Variants in ANK2 observed in about 807,000 individuals in gnomAD.
ANK2 encodes ankyrin 2, also known as ankyrin-2.
In ANK2, 83 loss-of-function variants were observed where a neutral mutation model predicts 360.5. That is an observed-to-expected ratio of 0.23 (90% CI 0.19 to 0.28). The LOEUF is 0.28. Among genes scored for constraint, ANK2 ranks in the 10% least tolerant of loss-of-function variants. The probability of loss-of-function intolerance (pLI) is 1.00; values close to 1 mark genes in which losing one functional copy is unlikely to be tolerated. For missense variants in ANK2, 4,201 were observed against 4,795.7 expected (o/e 0.88, Z 3.66); for synonymous variants, 1,740 against 1,759.5 (o/e 0.99, Z 0.28).
chr4:112,906,564 G>C (rs1178200976), intron 2 of ANK2, among the ~76,000 whole-genome samples: 1 of 152,150 alleles, frequency 6.6e-6, no homozygotes, highest in Non-Finnish European at 1.5e-5. Context: ...GGTGGTCTAG[G>C]AAGAGGGATT....
chr4:113,304,889 C>A (rs2076504312), intron 23 of ANK2, among the ~76,000 whole-genome samples: 1 of 151,824 alleles, frequency 6.6e-6, no homozygotes, highest in African/African-American at 2.4e-5. Context: ...CCACTTTAAG[C>A]AACTCTATTA....
At chr4:113,344,479 CTA>C (rs1451559382) in intron 34 of ANK2, among the ~76,000 whole-genome samples, 3 of 152,152 alleles carry the variant, frequency 2.0e-5, no homozygotes, top group Admixed American at 6.5e-5. Context: ...TTGGAAAACA[CTA>C]TGGTTTTTCC....
chr4:113,179,654 A>C (rs2098342693), intron 2 of ANK2, among the ~76,000 whole-genome samples: 1 of 152,198 alleles, frequency 6.6e-6, no homozygotes, highest in Non-Finnish European at 1.5e-5. Flanking sequence ...TAGAAGAGAA[A>C]ATAAATCTTA....
chr4:113,013,666 A>C (rs2055559353), intron 2 of ANK2, among the ~76,000 whole-genome samples: 1 of 152,178 alleles, frequency 6.6e-6, no homozygotes, highest in South Asian at 2.1e-4. Flanking sequence ...CTTTTCTTAA[A>C]GGTAACTTTA....
At chr4:113,109,213 A>G (rs562193089) in intron 1 of ANK2, among the ~76,000 whole-genome samples, 1 of 152,204 alleles carries the variant, frequency 6.6e-6, no homozygotes, top group Non-Finnish European at 1.5e-5. Flanking sequence ...TTGGGGAACC[A>G]TAACTGCTTT....
At chr4:112,802,720 C>T in the ANK2 span, among the ~76,000 whole-genome samples, 1 of 151,918 alleles carries the variant, frequency 6.6e-6, no homozygotes, top group Non-Finnish European at 1.5e-5. Flanking sequence ...AAGTGACAGG[C>T]AATGTAGACT....
chr4:113,195,633 T>C (rs2098736338), intron 2 of ANK2, among the ~76,000 whole-genome samples: 1 of 152,216 alleles, frequency 6.6e-6, no homozygotes, highest in African/African-American at 2.4e-5. Context: ...ATTGGCACCA[T>C]GTACCAGCTG....
intron 2 of ANK2, among the ~76,000 whole-genome samples, chr4:113,020,341 T>C (rs1238671802): frequency 6.6e-6 from 1 of 152,090 alleles, no homozygotes. Flanking sequence ...CAAATGCTAC[T>C]GCCCCAAGCT....
At chr4:112,834,701 C>T (rs2060619656) in intron 1 of ANK2, among the ~76,000 whole-genome samples, 2 of 152,028 alleles carry the variant, frequency 1.3e-5, no homozygotes, top group Non-Finnish European at 2.9e-5. Context: ...GTCCATTTTC[C>T]AATTGCTCTG....
intron 2 of ANK2, among the ~76,000 whole-genome samples, chr4:112,946,480 G>A (rs767988457): frequency 6.6e-6 from 1 of 152,178 alleles, no homozygotes. Flanking sequence ...ATCTTTAAAG[G>A]AGTGTTTAAA....
intron 32 of ANK2, among the ~76,000 whole-genome samples, chr4:113,340,935 C>G (rs1387298654): frequency 6.6e-6 from 1 of 151,960 alleles, no homozygotes; most frequent in Non-Finnish European, 1.5e-5. Flanking sequence ...ATCTAATGAC[C>G]TCGACTTTCT....
chr4:113,358,057 G>A lies in ANK2; in HGVS notation c.9439G>A (p.Val3147Met). The change falls in exon 38 of 46, where the codon GTG becomes ATG. Residue 3147 changes from valine to methionine, a missense_variant. Val to Met is a conservative substitution (Grantham distance 21, BLOSUM62 1). Coordinates refer to ENST00000357077, the MANE Select transcript of ANK2 (RefSeq NM_001148.6). ...ESREETLSED[V>M]KEGATGADPL... Reference sequence around the variant, plus strand: ...CAGGGAAGAGACTCTCTCTGAAGATGTGAAAGAAGGGGCTACTGGGGCTGA... The same window carrying A: ...CAGGGAAGAGACTCTCTCTGAAGATATGAAAGAAGGGGCTACTGGGGCTGA... 6 of 1,614,066 alleles carry A rather than the reference G, an allele frequency of 3.7e-6. No homozygotes were observed. The highest frequency in any genetic ancestry group is 1.6e-4 in the Middle Eastern group (1 of 6,062).
rs369903397 is a variant in ANK2, at chr4:113,318,635, A to G, written c.2900+15A>G. The stretch of plus-strand genomic sequence containing the variant: ...ATTCATTCAGGGTGAGTAAATCAAT[A>G]TTATGTATCCTGATCAAGAGGTAAA... On this transcript the variant is annotated intron_variant, in intron 26 of 45. Coordinates refer to ENST00000357077, the MANE Select transcript of ANK2 (RefSeq NM_001148.6). 1.3e-6 allele frequency: 2 copies of G among 1,582,490 alleles called. No homozygotes were observed. Among genetic ancestry groups the G allele is most frequent in the Non-Finnish European group, 1.7e-6 (2 of 1,154,698 alleles).
intron 45 of ANK2, chr4:113,373,657 T>C (rs770605966): frequency 5.3e-6 from 4 of 754,502 alleles, no homozygotes; most frequent in South Asian, 4.1e-5. Flanking sequence ...ATTATACTCA[T>C]TGTTTTTGTT....
rs28456239 is a variant in ANK2, at chr4:113,250,762, C to T, written c.990+900C>T. On this transcript the variant is annotated intron_variant, in intron 10 of 45. Transcript: ENST00000357077. Reference sequence around the variant, plus strand: ...ATTCCACCTCATACCACCGCCCCCCCCCCCGACAGAGTTGGTATCAACTAA... The same window carrying T: ...ATTCCACCTCATACCACCGCCCCCCTCCCCGACAGAGTTGGTATCAACTAA... 1.5e-5 allele frequency among the ~76,000 whole-genome samples: 2 copies of T among 136,930 alleles called. 1 individual carries two copies. The highest frequency in any genetic ancestry group is 4.4e-4 in the East Asian group (2 of 4,560). 89.8% of individuals were successfully genotyped at this position (136,930 alleles called of 152,430 possible).
At chr4:113,104,287 G>A (rs1270491174) in intron 1 of ANK2, among the ~76,000 whole-genome samples, 1 of 151,948 alleles carries the variant, frequency 6.6e-6, no homozygotes, top group Admixed American at 6.6e-5. Context: ...TGGGAAATGA[G>A]GTGAAAAAGA....
the ANK2 span, among the ~76,000 whole-genome samples, chr4:112,778,918 C>T: frequency 2.0e-5 from 3 of 152,168 alleles, no homozygotes; most frequent in South Asian, 2.1e-4. Flanking sequence ...TGATTTCTGA[C>T]GTGCTGAGCT....
chr4:113,360,187 A>G (rs1363301692), intron 38 of ANK2, among the ~76,000 whole-genome samples: 3 of 152,232 alleles, frequency 2.0e-5, no homozygotes, highest in Non-Finnish European at 4.4e-5. Context: ...AGTGAGTAGT[A>G]TATAAGCTTA....
chr4:112,793,627 TAA>T, the ANK2 span, among the ~76,000 whole-genome samples: 2,676 of 151,900 alleles, frequency 0.018, 91 homozygotes, highest in African/African-American at 0.059. Context: ...TGAAATGTAC[TAA>T]GAGATGATTT....
Sources: allele counts gnomAD v4.1 joint callset (sites outside exome capture counted in the v4.1 genomes callset), GRCh38; gene constraint gnomAD v4.1.1; transcripts MANE v1.5; gene names NCBI Gene and HGNC (gene_info 2026-07-23, HGNC 2026-07-21).